The following CIZ1 variants were observed in gnomAD, a reference collection of about 807,000 sequenced individuals.
The protein encoded by CIZ1 is cip1-interacting zinc finger protein.
CIZ1 carries 58 observed loss-of-function variants against 118.6 expected under a neutral mutation model. The observed-to-expected ratio is 0.49, with a 90% CI of 0.40 to 0.61. CIZ1 has a LOEUF of 0.61. Among genes scored for constraint, CIZ1 ranks in the 20% least tolerant of loss-of-function variants. CIZ1 has a pLI of 0.00. For synonymous variants in CIZ1, 448 were observed against 443.4 expected, an observed-to-expected ratio of 1.01 and a Z score of -0.13; for missense variants, 921 against 1,115.9, an observed-to-expected ratio of 0.83 and a Z score of 2.49.
In CIZ1 at chr9:128,178,864, T is replaced by C. The variant is rs770517572; in HGVS notation, c.1343A>G (p.His448Arg). Residue 448 changes from histidine to arginine, a missense_variant, in exon 8 of 17, where the codon CAT becomes CGT. Transcript: ENST00000372938. ...QAQPSVQPQEHPPAQVSVQPP... is the reference protein window; with the variant it reads ...QAQPSVQPQERPPAQVSVQPP... Reference sequence around the variant, plus strand: ...CTGTACTGACACCTGCGCTGGAGGATGCTCCTGTGGCTGGACGCTTGGCTG... The same window carrying C: ...CTGTACTGACACCTGCGCTGGAGGACGCTCCTGTGGCTGGACGCTTGGCTG... 1.9e-6 allele frequency: 3 copies of C among 1,614,232 alleles called. No individual in the cohort carries two copies. Among genetic ancestry groups the C allele is most frequent in the East Asian group, 2.2e-5 (1 of 44,888 alleles).
At position 128,170,070 on chromosome 9, in the gene CIZ1, G is replaced by C. The variant is rs760763580; in HGVS notation, c.1981C>G (p.Leu661Val). Residue 661 changes from leucine (L) to valine (V), a missense_variant, in exon 12 of 17, where the codon CTC becomes GTC. Transcript: ENST00000372938. ...PPRRWCNTCQ[L>V]YYMGDLIQHR... ...TGGATCAGGTCCCCCATGTAGTAGA[G>C]CTGGCAGGTGTTGCACCAGCGCCTT... 2 of 1,614,100 alleles carry C rather than the reference G, an allele frequency of 1.2e-6. No individual in the cohort carries two copies. Among genetic ancestry groups the C allele is most frequent in the Non-Finnish European group, 1.7e-6 (2 of 1,180,000 alleles).
chr9:128,185,518 G>T, intron 5 of CIZ1, 29 bp downstream of exon 5: 2 of 601,776 alleles, frequency 3.3e-6, no homozygotes, highest in Non-Finnish European at 5.6e-6. Context: ...GTCCCCTCCC[G>T]CCCACTCCCA....
In CIZ1 at chr9:128,169,439, C is replaced by T; in HGVS notation, c.2112G>A (p.Val704=). The change falls in exon 13 of 17, where the codon GTG becomes GTA. Residue 704 remains valine (V), a synonymous_variant. Coordinates refer to ENST00000372938, the MANE Select transcript of CIZ1 (RefSeq NM_001131016.2). ...FKTPRKFVEH[V]KSQGHKDKAK... ...CTTTGTCCTTATGCCCCTGGGACTT[C>T]ACGTGCTCCACAAACTTGCGAGGGG... 1 of 1,614,184 alleles carries T rather than the reference C, an allele frequency of 6.2e-7. No homozygotes were observed. Among genetic ancestry groups the T allele is most frequent in the Non-Finnish European group, 8.5e-7 (1 of 1,180,034 alleles).
Position 128,166,650 on chromosome 9 carries a change from T to G in CIZ1, c.2487+109A>C. 1 of 1,396,928 alleles carries G rather than the reference T, an allele frequency of 7.2e-7. No individual in the cohort carries two copies. The highest frequency in any genetic ancestry group is 1.0e-6 in the Non-Finnish European group (1 of 995,072). 86.5% of individuals were successfully genotyped at this position (1,396,928 alleles called of 1,614,324 possible). On this transcript the variant is annotated intron_variant, in intron 16 of 16. Transcript: ENST00000372938. This position sits in a 1 kb window ranked among gnomAD's most constrained non-coding sequence, Gnocchi z 4.4. ...TCCCTGTTGGTGCAGGGGTGGTGCCTGGGGATTGAGGCCCTGCACAAGAGG... is the reference window on the plus strand; with the variant it reads ...TCCCTGTTGGTGCAGGGGTGGTGCCGGGGGATTGAGGCCCTGCACAAGAGG...
chr9:128,170,411 A>T (rs1423348340), intron 11 of CIZ1, among the ~76,000 whole-genome samples: 8 of 152,260 alleles, frequency 5.3e-5, no homozygotes, highest in Admixed American at 5.2e-4. Context: ...GAAAGAATGG[A>T]AAGTCCTAAA....
In CIZ1 at chr9:128,167,182, T is replaced by G; in HGVS notation, c.2296-18A>C. 1 of 1,553,084 alleles carries G rather than the reference T, an allele frequency of 6.4e-7. No individual in the cohort carries two copies. The highest frequency in any genetic ancestry group is 1.9e-5 in the Admixed American group (1 of 51,616). On this transcript the variant is annotated intron_variant, in intron 14 of 16. Coordinates refer to ENST00000372938, the MANE Select transcript of CIZ1 (RefSeq NM_001131016.2). ...GACCTCACCTGAAAACATGCAAGTGTGGGCCTCGGATCTGGCTTCCCCTTG... is the reference window on the plus strand; with the variant it reads ...GACCTCACCTGAAAACATGCAAGTGGGGGCCTCGGATCTGGCTTCCCCTTG...
chr9:128,203,221 C>A lies in CIZ1; in HGVS notation c.-6+965G>T, dbSNP rs1588292339. ...GCGCACCCCAGACACTGCTAAAGCA[C>A]CCCAAAAGCCGCAGAAGGTGAAAAC... On this transcript the variant is annotated intron_variant, in intron 1 of 17. Coordinates refer to the CIZ1 transcript ENST00000372948. The surrounding 1 kb of genome is among the most constrained non-coding windows in gnomAD (Gnocchi z 5.3). 5.5e-6 allele frequency: 1 copy of A among 180,770 alleles called. No individual in the cohort carries two copies. Among genetic ancestry groups the A allele is most frequent in the East Asian group, 1.6e-4 (1 of 6,260 alleles). 11.2% of individuals were successfully genotyped at this position (180,770 alleles called of 1,614,324 possible).
chr9:128,193,114 T>G (rs761535521), upstream of CIZ1, among the ~76,000 whole-genome samples: 1 of 152,194 alleles, frequency 6.6e-6, no homozygotes, highest in Non-Finnish European at 1.5e-5. Context: ...CTGAGGAGCC[T>G]AACTCAACCT....
upstream of CIZ1, among the ~76,000 whole-genome samples, chr9:128,193,010 G>T (rs7853638): frequency 3.3e-5 from 5 of 152,026 alleles, no homozygotes; most frequent in African/African-American, 1.2e-4. Flanking sequence ...GAGGGCGCTC[G>T]GGCAGCAGAA....
At chr9:128,191,878 G>A, upstream of CIZ1, 1 of 1,454,468 alleles carries the variant, frequency 6.9e-7, no homozygotes. The surrounding 1 kb of genome is among the most constrained non-coding windows in gnomAD (Gnocchi z 5.5). Context: ...CCGCGGTCCT[G>A]CGATCCTGGG....
At chr9:128,172,364 G>T (rs1830251406) in intron 11 of CIZ1, among the ~76,000 whole-genome samples, 1 of 151,820 alleles carries the variant, frequency 6.6e-6, no homozygotes. Flanking sequence ...CGTTGTGGCA[G>T]GCACCTGTAA....
chr9:128,178,235 G>A (rs1831118687), intron 9 of CIZ1, 134 bp downstream of exon 9: 2 of 1,113,150 alleles, frequency 1.8e-6, no homozygotes, highest in Admixed American at 2.3e-5. Flanking sequence ...ACCCATCCTA[G>A]GCAGAGGGCT....
At chr9:128,195,530 C>T (rs1259849802), upstream of CIZ1, among the ~76,000 whole-genome samples, 1 of 152,068 alleles carries the variant, frequency 6.6e-6, no homozygotes, top group East Asian at 1.9e-4. Context: ...GTTGACTAGG[C>T]TGGTCTCAAA....
chr9:128,203,896 G>A lies in CIZ1; in HGVS notation c.-6+290C>T, dbSNP rs533062466. On this transcript the variant is annotated intron_variant, in intron 1 of 17. Transcript: ENST00000372948. The surrounding 1 kb of genome is among the most constrained non-coding windows in gnomAD (Gnocchi z 5.3). ...CTCCTCCGTCCCATCCTTTAGGGCA[G>A]ACAACGCTCTGCCAGAAGCCCCGGG... Among the ~76,000 whole-genome samples, 26 of 152,180 alleles carry A rather than the reference G, an allele frequency of 1.7e-4. No individual in the cohort carries two copies. The highest frequency in any genetic ancestry group is 6.3e-4 in the African/African-American group (26 of 41,542).
upstream of CIZ1, among the ~76,000 whole-genome samples, chr9:128,192,861 C>A (rs7853186): frequency 0.034 from 5,125 of 152,326 alleles, 280 homozygotes; most frequent in African/African-American, 0.12. Flanking sequence ...AATTCCGGCT[C>A]CCTTTTCTGT....
In CIZ1 at chr9:128,170,095, T is replaced by C; in HGVS notation, c.1956A>G (p.Pro652=). The C allele has an allele frequency of 6.2e-7, 1 of 1,600,808 alleles. No homozygotes were observed. Among genetic ancestry groups the C allele is most frequent in the Non-Finnish European group, 8.5e-7 (1 of 1,173,398 alleles). The change falls in exon 12 of 17, where the codon CCA becomes CCG. Residue 652 remains proline (P), a synonymous_variant. Transcript: ENST00000372938. ...VLETEDEEPP[P]RRWCNTCQLY... The stretch of plus-strand genomic sequence containing the variant: ...GCTGGCAGGTGTTGCACCAGCGCCT[T>C]GGTGGAGGCTCCCTGAATGACAACA...
chr9:128,195,418 A>C (rs2131042448), upstream of CIZ1, among the ~76,000 whole-genome samples: 1 of 152,212 alleles, frequency 6.6e-6, no homozygotes, highest in East Asian at 1.9e-4. Flanking sequence ...CCTGGATTTA[A>C]GTGATTCTCG....
chr9:128,192,388 T>G (rs10987919), upstream of CIZ1, among the ~76,000 whole-genome samples: 1,801 of 151,308 alleles, frequency 0.012, 47 homozygotes, highest in African/African-American at 0.042. Flanking sequence ...AGTAAAAATT[T>G]TAAAAAGAAA....
chr9:128,169,262 A>ACCCCCC, intron 13 of CIZ1, 61 bp from the exon 14 acceptor site: 10 of 1,185,894 alleles, frequency 8.4e-6, no homozygotes, highest in Admixed American at 3.7e-5. Context: ...GCCATGCCCT[A>ACCCCCC]CCCACCCCAC....
Sources: gnomAD v4.1 joint callset for allele counts (sites outside exome capture counted in the v4.1 genomes callset) on GRCh38, gnomAD v4.1.1 for gene constraint, Gnocchi (gnomAD v3.1) non-coding constraint, MANE v1.5 for transcripts, NCBI Gene and HGNC (gene_info 2026-07-23, HGNC 2026-07-21) for gene names.